The following NRG3 variants were observed in gnomAD, a reference collection of about 807,000 sequenced individuals.
NRG3 encodes the protein neuregulin 3.
Under a neutral mutation model 66.9 loss-of-function variants are expected in NRG3, and 31 were observed. The ratio of observed to expected loss-of-function variants is 0.46; its 90% CI spans 0.35 to 0.63. The LOEUF (loss-of-function observed/expected upper bound fraction) is 0.63. Ranked by LOEUF, NRG3 falls within the 20% of genes least tolerant of loss-of-function variation. The probability of loss-of-function intolerance (pLI) is 0.00; values close to 1 mark genes in which losing one functional copy is unlikely to be tolerated. For synonymous variants in NRG3, 393 were observed against 359.4 expected, an observed-to-expected ratio of 1.09 and a Z score of -1.06; for missense variants, 910 against 878.9, an observed-to-expected ratio of 1.04 and a Z score of -0.45.
chr10:82,545,936 G>C (rs2043882754), intron 2 of NRG3, among the ~76,000 whole-genome samples: 1 of 150,514 alleles, frequency 6.6e-6, no homozygotes, highest in African/African-American at 2.4e-5. Flanking sequence ...GACAGGCGCC[G>C]GCCACCATGC....
intron 2 of NRG3, among the ~76,000 whole-genome samples, chr10:82,735,182 C>T (rs1236565205): frequency 6.6e-6 from 1 of 152,104 alleles, no homozygotes; most frequent in Non-Finnish European, 1.5e-5. Context: ...CTCTTGTGAA[C>T]TGAGTTTGCT....
chr10:82,906,570 T>C (rs1302343597), intron 4 of NRG3, among the ~76,000 whole-genome samples: 1 of 152,206 alleles, frequency 6.6e-6, no homozygotes, highest in African/African-American at 2.4e-5. Context: ...AAATTTTGCC[T>C]ATTTCTATAT....
chr10:82,625,727 G>A (rs990867327), intron 2 of NRG3, among the ~76,000 whole-genome samples: 1 of 152,136 alleles, frequency 6.6e-6, no homozygotes, highest in Non-Finnish European at 1.5e-5. Flanking sequence ...TGGCAGATGT[G>A]CAGCATGTCA....
chr10:82,023,125 A>G (rs1296068005), intron 1 of NRG3, among the ~76,000 whole-genome samples: 3 of 151,478 alleles, frequency 2.0e-5, no homozygotes, highest in African/African-American at 7.3e-5. Flanking sequence ...GTTATCCCTT[A>G]TAAATGTGAT....
At chr10:82,232,041 A>G (rs1220373667) in intron 1 of NRG3, among the ~76,000 whole-genome samples, 1 of 152,208 alleles carries the variant, frequency 6.6e-6, no homozygotes, top group East Asian at 1.9e-4. Context: ...TATAAATTTG[A>G]AGGCCCATTT....
intron 1 of NRG3, among the ~76,000 whole-genome samples, chr10:82,261,368 C>T (rs1055378383): frequency 1.3e-5 from 2 of 152,136 alleles, no homozygotes. Flanking sequence ...CCTCCCCAGC[C>T]ATGTGGAACT....
intron 4 of NRG3, among the ~76,000 whole-genome samples, chr10:82,912,394 A>T (rs1206552429): frequency 6.6e-6 from 1 of 152,224 alleles, no homozygotes; most frequent in Non-Finnish European, 1.5e-5. Context: ...CTTTATCATT[A>T]TATAATGCTC....
At chr10:82,073,091 C>A (rs1182210638) in intron 1 of NRG3, among the ~76,000 whole-genome samples, 9 of 150,168 alleles carry the variant, frequency 6.0e-5, no homozygotes. Flanking sequence ...GTAGACACAT[C>A]TTTATAAAAT....
intron 2 of NRG3, among the ~76,000 whole-genome samples, chr10:82,515,397 T>G (rs1436689765): frequency 6.6e-6 from 1 of 152,220 alleles, no homozygotes; most frequent in Non-Finnish European, 1.5e-5. Flanking sequence ...TACAGACAGA[T>G]TCTCCATACA....
At chr10:82,386,073 A>G (rs1234432938) in intron 2 of NRG3, among the ~76,000 whole-genome samples, 1 of 152,160 alleles carries the variant, frequency 6.6e-6, no homozygotes, top group African/African-American at 2.4e-5. Flanking sequence ...CATCAAATAT[A>G]AATTTTTATA....
intron 3 of NRG3, among the ~76,000 whole-genome samples, chr10:82,863,032 C>T (rs2064218778): frequency 6.6e-6 from 1 of 152,026 alleles, no homozygotes; most frequent in African/African-American, 2.4e-5. Context: ...CCCAACAGGC[C>T]CCAGTGTGTG....
chr10:82,011,774 G>A (rs1207236136), intron 1 of NRG3, among the ~76,000 whole-genome samples: 1 of 152,200 alleles, frequency 6.6e-6, no homozygotes, highest in Admixed American at 6.5e-5. Context: ...TTGACTCCAT[G>A]TCTCACATCC....
At chr10:82,247,800 C>T (rs1319042191) in intron 1 of NRG3, among the ~76,000 whole-genome samples, 1 of 152,140 alleles carries the variant, frequency 6.6e-6, no homozygotes. Flanking sequence ...AGCATTGAGA[C>T]TGCCCATTCA....
chr10:82,064,649 T>TA (rs1240199081), intron 1 of NRG3, among the ~76,000 whole-genome samples: 6 of 152,152 alleles, frequency 3.9e-5, no homozygotes, highest in Non-Finnish European at 5.9e-5. Context: ...GATGCACACT[T>TA]ATGAGCATTT....
rs1341324123 is a variant in NRG3 at position 81,875,311 on chromosome 10, G to A, written c.-30G>A. The A allele has an allele frequency of 3.0e-6, 3 of 984,012 alleles. No homozygotes were observed. Among genetic ancestry groups the A allele is most frequent in the South Asian group, 9.1e-5 (2 of 22,078 alleles). The allele number at this position is 984,012 out of a possible 1,614,324, so 61.0% of individuals were successfully genotyped here. On this transcript the variant is annotated 5_prime_UTR_variant, in exon 1 of 9. Transcript: ENST00000372141. This position sits in a 1 kb window ranked among gnomAD's most constrained non-coding sequence, Gnocchi z 5.3. ...CCCCATGCCTCTGCCGCGGCCCTCG[G>A]GGGGGCGAAGGTGAAGACCGGCTCC...
At chr10:81,961,400 T>C (rs1052297805) in intron 1 of NRG3, among the ~76,000 whole-genome samples, 1 of 152,202 alleles carries the variant, frequency 6.6e-6, no homozygotes, top group African/African-American at 2.4e-5. Context: ...GGAGATCTTC[T>C]AAATCTGCTT....
At chr10:82,592,690 A>C (rs776980160) in intron 2 of NRG3, among the ~76,000 whole-genome samples, 14 of 152,176 alleles carry the variant, frequency 9.2e-5, no homozygotes, top group Non-Finnish European at 1.8e-4. Context: ...GCAGCTATCT[A>C]TGCTGCTGAC....
chr10:82,279,112 G>A (rs1291049853), intron 1 of NRG3, among the ~76,000 whole-genome samples: 1 of 152,156 alleles, frequency 6.6e-6, no homozygotes, highest in Non-Finnish European at 1.5e-5. Flanking sequence ...TCAATGCCCA[G>A]TAGAGAAGGT....
intron 1 of NRG3, among the ~76,000 whole-genome samples, chr10:81,908,802 C>T (rs1306731958): frequency 1.3e-5 from 2 of 152,134 alleles, no homozygotes; most frequent in Admixed American, 1.3e-4. Flanking sequence ...AGCTGCTGGC[C>T]TCTAAAACTA....
Sources: gnomAD v4.1 joint callset for allele counts (sites outside exome capture counted in the v4.1 genomes callset) on GRCh38, gnomAD v4.1.1 for gene constraint, Gnocchi (gnomAD v3.1) non-coding constraint, MANE v1.5 for transcripts, NCBI Gene and HGNC (gene_info 2026-07-23, HGNC 2026-07-21) for gene names.